Variants in RFX3 observed in about 807,000 individuals in gnomAD.
RFX3 encodes regulatory factor X3, also known as transcription factor RFX3.
In RFX3, 14 loss-of-function variants were observed where a neutral mutation model predicts 98.6. That is an observed-to-expected ratio of 0.14 (90% CI 0.09 to 0.22). RFX3 has a LOEUF of 0.22. Among genes scored for constraint, RFX3 ranks in the 10% least tolerant of loss-of-function variants. The pLI is 1.00. For missense variants in RFX3, 639 were observed against 926.9 expected, an observed-to-expected ratio of 0.69 and a Z score of 4.03; for synonymous variants, 383 against 328.4, an observed-to-expected ratio of 1.17 and a Z score of -1.80.
intron 4 of RFX3, among the ~76,000 whole-genome samples, chr9:3,307,693 A>T (rs1829488893): frequency 6.6e-6 from 1 of 152,200 alleles, no homozygotes; most frequent in African/African-American, 2.4e-5. Context: ...ATAGATTCTA[A>T]AATGTTTTTC....
At chr9:3,486,218 T>C (rs1477141215) in intron 1 of RFX3, among the ~76,000 whole-genome samples, 7 of 150,454 alleles carry the variant, frequency 4.7e-5, no homozygotes, top group Non-Finnish European at 1.0e-4. Context: ...TTTTGTGGGG[T>C]ATGACCTACC....
At position 3,410,161 on chromosome 9, in the gene RFX3, C is replaced by CTGTGTGTGTGTGTGTGTGTGTGTGTGTG. The variant is rs555349379; in HGVS notation, c.-8-14593_-8-14566dup. Among the ~76,000 whole-genome samples, 31 of 114,124 alleles carry CTGTGTGTGTGTGTGTGTGTGTGTGTGTG rather than the reference C, an allele frequency of 2.7e-4. 1 individual carries two copies. The highest frequency in any genetic ancestry group is 1.9e-3 in the East Asian group (6 of 3,222). 74.9% of individuals were successfully genotyped at this position (114,124 alleles called of 152,430 possible). A position where few individuals can be genotyped will look rare whatever the true frequency, so the allele number is the denominator to read the frequency against. ...TTAACACGATTTCAAGTGAGATAAA[C>CTGTGTGTGTGTGTGTGTGTGTGTGTGTG]TGTGTGTGTGTGTGTGTGTGTGTGT... On this transcript the variant is annotated intron_variant, in intron 1 of 16. Transcript: ENST00000617270.
At chr9:3,509,412 G>A (rs1300202193) in intron 1 of RFX3, among the ~76,000 whole-genome samples, 1 of 151,848 alleles carries the variant, frequency 6.6e-6, no homozygotes, top group Non-Finnish European at 1.5e-5. Context: ...AAAAAGTAAA[G>A]ACGTGCATAC....
At chr9:3,305,908 G>T (rs762896913) in intron 4 of RFX3, among the ~76,000 whole-genome samples, 14 of 151,982 alleles carry the variant, frequency 9.2e-5, no homozygotes, top group Non-Finnish European at 1.6e-4. Context: ...AGAAAAAAAT[G>T]GCACACATCA....
At chr9:3,459,888 AAAG>A (rs1233429194) in intron 1 of RFX3, among the ~76,000 whole-genome samples, 1 of 152,064 alleles carries the variant, frequency 6.6e-6, no homozygotes, top group Non-Finnish European at 1.5e-5. Flanking sequence ...TATTTTACCT[AAAG>A]AAGGTTATCT....
intron 1 of RFX3, among the ~76,000 whole-genome samples, chr9:3,490,575 T>C (rs994568463): frequency 1.3e-5 from 2 of 152,124 alleles, no homozygotes; most frequent in African/African-American, 4.8e-5. Context: ...GAGAGAATTT[T>C]TAGTTTTCAA....
intron 2 of RFX3, among the ~76,000 whole-genome samples, chr9:3,393,105 A>T (rs1308482983): frequency 6.6e-6 from 1 of 152,064 alleles, no homozygotes; most frequent in African/African-American, 2.4e-5. Context: ...GGACCAAAAG[A>T]AGGGCATGCT....
intron 1 of RFX3, among the ~76,000 whole-genome samples, chr9:3,419,272 T>C (rs1373954320): frequency 1.3e-5 from 2 of 152,192 alleles, no homozygotes; most frequent in African/African-American, 2.4e-5. Context: ...TTGTAAAGAA[T>C]ACCAAATTGA....
intron 1 of RFX3, among the ~76,000 whole-genome samples, chr9:3,437,132 A>G (rs1243628332): frequency 6.6e-6 from 1 of 152,068 alleles, no homozygotes; most frequent in Non-Finnish European, 1.5e-5. Flanking sequence ...CACATTAATG[A>G]AAGGAAAATA....
intron 2 of RFX3, among the ~76,000 whole-genome samples, chr9:3,352,828 A>AC (rs1835306515): frequency 1.3e-5 from 2 of 152,120 alleles, no homozygotes; most frequent in Non-Finnish European, 2.9e-5. Flanking sequence ...GGAACAGAGA[A>AC]ACTAGGACAG....
chr9:3,485,538 A>AT (rs1476086228), intron 1 of RFX3, among the ~76,000 whole-genome samples: 3 of 152,118 alleles, frequency 2.0e-5, no homozygotes, highest in Non-Finnish European at 4.4e-5. Context: ...TTGTTGACTA[A>AT]TTTTTTGCTT....
intron 1 of RFX3, among the ~76,000 whole-genome samples, chr9:3,423,816 A>C (rs752417740): frequency 2.3e-4 from 19 of 81,750 alleles, no homozygotes; most frequent in South Asian, 8.5e-4. Context: ...TATATATCTT[A>C]AGGTAATTTT....
intron 1 of RFX3, among the ~76,000 whole-genome samples, chr9:3,472,741 G>A (rs1012853767): frequency 6.6e-6 from 1 of 152,208 alleles, no homozygotes; most frequent in East Asian, 1.9e-4. Flanking sequence ...TGTCAGTGAA[G>A]AATGAATACT....
At chr9:3,354,198 A>T (rs1262971808) in intron 2 of RFX3, among the ~76,000 whole-genome samples, 2 of 152,044 alleles carry the variant, frequency 1.3e-5, no homozygotes, top group Non-Finnish European at 2.9e-5. Flanking sequence ...TCTCAGACAG[A>T]GAAGTAACAG....
At chr9:3,518,506 A>C (rs1413664888) in intron 1 of RFX3, among the ~76,000 whole-genome samples, 1 of 152,228 alleles carries the variant, frequency 6.6e-6, no homozygotes, top group Non-Finnish European at 1.5e-5. Flanking sequence ...TGCTTTGGCA[A>C]AAAAGAAAAG....
intron 1 of RFX3, among the ~76,000 whole-genome samples, chr9:3,443,159 G>C (rs1310536452): frequency 6.6e-6 from 1 of 152,176 alleles, no homozygotes; most frequent in Non-Finnish European, 1.5e-5. Context: ...ACCACAGAAA[G>C]AAACCACTAC....
intron 1 of RFX3, among the ~76,000 whole-genome samples, chr9:3,485,668 T>A (rs1227508844): frequency 6.6e-6 from 1 of 152,232 alleles, no homozygotes; most frequent in East Asian, 1.9e-4. Context: ...AACTTGTAAT[T>A]TTTATCTTAG....
At chr9:3,342,470 T>A (rs1335187894) in intron 3 of RFX3, among the ~76,000 whole-genome samples, 1 of 152,164 alleles carries the variant, frequency 6.6e-6, no homozygotes, top group Non-Finnish European at 1.5e-5. Context: ...CTTTTGCATT[T>A]TAAAACACTG....
At chr9:3,304,889 A>G (rs764598254) in intron 4 of RFX3, among the ~76,000 whole-genome samples, 4 of 152,110 alleles carry the variant, frequency 2.6e-5, no homozygotes, top group Non-Finnish European at 5.9e-5. Flanking sequence ...TAGTTCAGAA[A>G]GGTGGAAGAA....
Sources: gnomAD v4.1 joint callset for allele counts (sites outside exome capture counted in the v4.1 genomes callset) on GRCh38, gnomAD v4.1.1 for gene constraint, MANE v1.5 for transcripts, NCBI Gene and HGNC (gene_info 2026-07-23, HGNC 2026-07-21) for gene names.